Variants in CA10 observed in about 807,000 individuals in gnomAD.
CA10 encodes carbonic anhydrase 10 (inactive).
CA10 carries 14 observed loss-of-function variants against 44.2 expected under a neutral mutation model. The ratio of observed to expected loss-of-function variants is 0.32; its 90% CI spans 0.21 to 0.50. The LOEUF (loss-of-function observed/expected upper bound fraction) is 0.50, where lower values mean the gene tolerates loss of function less well. Ranked by LOEUF, CA10 falls within the 20% of genes least tolerant of loss-of-function variation. The probability of loss-of-function intolerance (pLI) is 0.99; values close to 1 mark genes in which losing one functional copy is unlikely to be tolerated. For synonymous variants in CA10, 159 were observed against 141.6 expected, an observed-to-expected ratio of 1.12 and a Z score of -0.87; for missense variants, 350 against 409.7, an observed-to-expected ratio of 0.85 and a Z score of 1.26.
intron 2 of CA10, among the ~76,000 whole-genome samples, chr17:52,028,216 C>A (rs1294733608): frequency 6.6e-6 from 1 of 152,098 alleles, no homozygotes; most frequent in Admixed American, 6.6e-5. Flanking sequence ...TTACATTTGG[C>A]CAAATTCTTA....
chr17:51,940,679 C>CAA (rs11350422), intron 2 of CA10, among the ~76,000 whole-genome samples: 11 of 137,036 alleles, frequency 8.0e-5, no homozygotes, highest in African/African-American at 2.4e-4. Context: ...TCAAGATAAA[C>CAA]AAAAAAAAAA....
At chr17:51,991,964 TG>T (rs1268232902) in intron 2 of CA10, among the ~76,000 whole-genome samples, 1 of 152,098 alleles carries the variant, frequency 6.6e-6, no homozygotes, top group East Asian at 1.9e-4. Flanking sequence ...AACTGCAAAT[TG>T]GGCACTGTTC....
At chr17:51,847,311 C>G (rs1049920499) in intron 3 of CA10, among the ~76,000 whole-genome samples, 1 of 152,176 alleles carries the variant, frequency 6.6e-6, no homozygotes, top group African/African-American at 2.4e-5. Context: ...ATGAAGTAGT[C>G]TCCTTTTTAA....
chr17:51,972,830 T>A (rs1349644484), intron 2 of CA10, among the ~76,000 whole-genome samples: 1 of 150,212 alleles, frequency 6.7e-6, no homozygotes, highest in Non-Finnish European at 1.5e-5. Context: ...ACTAAAAGAA[T>A]GTGTCAAAAC....
chr17:51,890,503 T>A (rs776318341), intron 3 of CA10, among the ~76,000 whole-genome samples: 1 of 152,092 alleles, frequency 6.6e-6, no homozygotes, highest in Admixed American at 6.5e-5. Flanking sequence ...ATTTTGTTGT[T>A]TGTTTGTTTT....
At chr17:52,063,398 A>G (rs2143101960) in intron 2 of CA10, among the ~76,000 whole-genome samples, 1 of 152,296 alleles carries the variant, frequency 6.6e-6, no homozygotes, top group Admixed American at 6.5e-5. Context: ...TGAGGCATGG[A>G]GAGTCAAGCG....
At chr17:51,919,575 G>A (rs897553203) in intron 3 of CA10, among the ~76,000 whole-genome samples, 2 of 152,194 alleles carry the variant, frequency 1.3e-5, no homozygotes, top group Non-Finnish European at 2.9e-5. Flanking sequence ...GCAGTATTAT[G>A]TGAATAACAC....
intron 4 of CA10, among the ~76,000 whole-genome samples, chr17:51,662,936 G>A (rs1421026031): frequency 6.6e-6 from 1 of 152,158 alleles, no homozygotes; most frequent in Non-Finnish European, 1.5e-5. Flanking sequence ...CAAATGTAGA[G>A]TGATATATTT....
At chr17:52,036,451 T>C (rs1466429466) in intron 2 of CA10, among the ~76,000 whole-genome samples, 1 of 152,020 alleles carries the variant, frequency 6.6e-6, no homozygotes, top group Non-Finnish European at 1.5e-5. Context: ...CCTGGGAGCA[T>C]AGGAAACATT....
chr17:52,079,283 C>T lies in CA10; in HGVS notation c.62-6890G>A, dbSNP rs180855808. Among the ~76,000 whole-genome samples the T allele has an allele frequency of 1.2e-3, 180 of 151,886 alleles. 4 individuals carry two copies. In the South Asian group the frequency reaches 0.021, roughly 18 times the overall value. On this transcript the variant is annotated intron_variant, in intron 1 of 8. Coordinates refer to ENST00000451037, the MANE Select transcript of CA10 (RefSeq NM_020178.5). ...CCTGGGCGACAGAGCGAAACTCCGTCTCAAAAAACAAAAACACAAACAAAA... is the reference window on the plus strand; with the variant it reads ...CCTGGGCGACAGAGCGAAACTCCGTTTCAAAAAACAAAAACACAAACAAAA...
intron 2 of CA10, among the ~76,000 whole-genome samples, chr17:51,981,701 A>G (rs141708123): frequency 2.4e-4 from 37 of 152,208 alleles, no homozygotes; most frequent in Non-Finnish European, 5.3e-4. Flanking sequence ...CCATGTGATT[A>G]GTAATAAAAC....
chr17:52,072,208 C>T, intron 2 of CA10, 111 bp downstream of exon 2: 1 of 712,516 alleles, frequency 1.4e-6, no homozygotes. Context: ...GTATTCATTG[C>T]ACACATAAAT....
intron 1 of CA10, among the ~76,000 whole-genome samples, chr17:52,095,240 T>C (rs1463456210): frequency 1.3e-5 from 2 of 152,146 alleles, no homozygotes; most frequent in Non-Finnish European, 2.9e-5. Flanking sequence ...ATGTTATTTA[T>C]ATGAAGTTTT....
At chr17:51,946,014 G>A (rs1260105317) in intron 2 of CA10, among the ~76,000 whole-genome samples, 3 of 152,140 alleles carry the variant, frequency 2.0e-5, no homozygotes, top group African/African-American at 7.2e-5. Flanking sequence ...GGACAACATG[G>A]ATGAACCTGG....
At chr17:52,063,400 A>C (rs1013005192) in intron 2 of CA10, among the ~76,000 whole-genome samples, 4 of 152,138 alleles carry the variant, frequency 2.6e-5, no homozygotes, top group Non-Finnish European at 5.9e-5. Context: ...AGGCATGGAG[A>C]GTCAAGCGTG....
chr17:51,928,465 T>A (rs752645512), intron 3 of CA10, among the ~76,000 whole-genome samples: 1 of 152,106 alleles, frequency 6.6e-6, no homozygotes, highest in African/African-American at 2.4e-5. Flanking sequence ...TTGAGCCCAA[T>A]GTCAGGTCAA....
chr17:51,917,238 A>G (rs534318578), intron 3 of CA10, among the ~76,000 whole-genome samples: 11 of 152,308 alleles, frequency 7.2e-5, no homozygotes, highest in African/African-American at 2.4e-4. Context: ...GGAGGTGGGA[A>G]TAGATACACA....
intron 1 of CA10, among the ~76,000 whole-genome samples, chr17:52,081,442 G>A (rs1350427281): frequency 6.6e-6 from 1 of 152,162 alleles, no homozygotes; most frequent in Non-Finnish European, 1.5e-5. Flanking sequence ...GTAAGTAGCG[G>A]CCCAAGAGAA....
intron 3 of CA10, among the ~76,000 whole-genome samples, chr17:51,830,195 C>CAAAAAAAAAAAAAAA (rs1220410518): frequency 7.9e-4 from 71 of 89,484 alleles, no homozygotes; most frequent in East Asian, 1.3e-3. Context: ...GACTCCATCT[C>CAAAAAAAAAAAAAAA]AAAAAAAAAA....
Sources: gnomAD v4.1 joint callset for allele counts (sites outside exome capture counted in the v4.1 genomes callset) on GRCh38, gnomAD v4.1.1 for gene constraint, MANE v1.5 for transcripts, NCBI Gene and HGNC (gene_info 2026-07-23, HGNC 2026-07-21) for gene names.